Variants in PPP2R3A observed in about 807,000 individuals in gnomAD.
PPP2R3A encodes the protein protein phosphatase 2 regulatory subunit B''alpha, also known as serine/threonine-protein phosphatase 2A regulatory subunit B'' subunit alpha.
PPP2R3A carries 80 observed loss-of-function variants against 106.9 expected under a neutral mutation model. The ratio of observed to expected loss-of-function variants is 0.75; its 90% CI spans 0.62 to 0.90. The LOEUF (loss-of-function observed/expected upper bound fraction) is 0.90, where lower values mean the gene tolerates loss of function less well. PPP2R3A is among the 40% of genes least tolerant of loss of function. The pLI is 0.00. For synonymous variants in PPP2R3A, 483 were observed against 468.3 expected, an observed-to-expected ratio of 1.03 and a Z score of -0.41; for missense variants, 1,386 against 1,350.4, an observed-to-expected ratio of 1.03 and a Z score of -0.41.
At chr3:136,066,017 AGG>A (rs1288013058) in intron 5 of PPP2R3A, among the ~76,000 whole-genome samples, 1 of 152,234 alleles carries the variant, frequency 6.6e-6, no homozygotes, top group East Asian at 1.9e-4. Flanking sequence ...GCAGACACCT[AGG>A]AAAATAAATG....
At chr3:136,076,671 G>A (rs184345844) in intron 6 of PPP2R3A, among the ~76,000 whole-genome samples, 2 of 152,288 alleles carry the variant, frequency 1.3e-5, no homozygotes, top group Non-Finnish European at 2.9e-5. Context: ...CACCGTGGCT[G>A]GGCGCGGTGG....
intron 1 of PPP2R3A, among the ~76,000 whole-genome samples, chr3:135,966,143 G>A (rs191230986): frequency 6.6e-6 from 1 of 152,096 alleles, no homozygotes; most frequent in African/African-American, 2.4e-5. Flanking sequence ...CGCGGAGGAG[G>A]GTAGGCGGGG....
At chr3:135,986,328 C>T (rs757986315) in intron 1 of PPP2R3A, among the ~76,000 whole-genome samples, 3 of 152,118 alleles carry the variant, frequency 2.0e-5, no homozygotes, top group Non-Finnish European at 2.9e-5. Flanking sequence ...ACCATCATCT[C>T]TCCCTTGCAT....
chr3:136,044,935 C>T (rs1339736623), intron 4 of PPP2R3A, among the ~76,000 whole-genome samples: 1 of 152,180 alleles, frequency 6.6e-6, no homozygotes, highest in African/African-American at 2.4e-5. Context: ...CTGGCAGAGA[C>T]AGAGCTCGAG....
Position 136,078,425 on chromosome 3 carries a change from C to T in PPP2R3A, c.2603C>T (p.Thr868Ile). ...TCTTGGAGTGGAAAAATTACTTCGA[C>T]AGAGATAAGAAAAAGCAACTTTTTG... ...NRSWSGKITS[T>I]EIRKSNFLQT... The change falls in exon 7 of 14, where the codon ACA becomes ATA. Residue 868 changes from threonine to isoleucine, a missense_variant. Transcript: ENST00000264977. 1 of 1,610,148 alleles carries T rather than the reference C, an allele frequency of 6.2e-7. No homozygotes were observed. Among genetic ancestry groups the T allele is most frequent in the South Asian group, 1.1e-5 (1 of 90,660 alleles).
chr3:136,120,596 A>G (rs1253133061), intron 13 of PPP2R3A, among the ~76,000 whole-genome samples: 1 of 152,178 alleles, frequency 6.6e-6, no homozygotes, highest in Non-Finnish European at 1.5e-5. Context: ...CTCAAAAAAA[A>G]AAGTGCTTCT....
At chr3:136,073,822 C>T (rs1936515457) in intron 6 of PPP2R3A, among the ~76,000 whole-genome samples, 1 of 152,290 alleles carries the variant, frequency 6.6e-6, no homozygotes, top group Admixed American at 6.5e-5. Flanking sequence ...GAAACTGTTG[C>T]ATTATTTCAG....
At chr3:136,079,404 TA>T (rs1329312902) in intron 7 of PPP2R3A, 8 of 185,760 alleles carry the variant, frequency 4.3e-5, no homozygotes, top group South Asian at 9.2e-5. Context: ...TTATAATCCA[TA>T]ATTTTTTTTT....
At chr3:135,995,019 A>G (rs1404515410) in intron 1 of PPP2R3A, among the ~76,000 whole-genome samples, 2 of 152,164 alleles carry the variant, frequency 1.3e-5, no homozygotes, top group African/African-American at 4.8e-5. Context: ...AGTAATCGTA[A>G]TCTGCTTAAA....
chr3:136,074,598 TA>T (rs1012490344), intron 6 of PPP2R3A, among the ~76,000 whole-genome samples: 3 of 152,236 alleles, frequency 2.0e-5, no homozygotes, highest in Non-Finnish European at 2.9e-5. Context: ...CTTGAGTTTT[TA>T]AAATAAGCGA....
intron 13 of PPP2R3A, among the ~76,000 whole-genome samples, chr3:136,108,891 TGATA>T (rs1052891699): frequency 6.6e-6 from 1 of 152,176 alleles, no homozygotes; most frequent in Non-Finnish European, 1.5e-5. Context: ...ATAAAGATGC[TGATA>T]GATATTGTCA....
intron 2 of PPP2R3A, chr3:136,022,867 C>G (rs1296036278): frequency 1.3e-5 from 18 of 1,361,032 alleles, no homozygotes; most frequent in Non-Finnish European, 1.6e-5. Context: ...GAGCCACAGA[C>G]TGTATTTGGG....
intron 5 of PPP2R3A, among the ~76,000 whole-genome samples, chr3:136,051,050 A>C (rs971984186): frequency 1.3e-5 from 2 of 152,196 alleles, no homozygotes; most frequent in African/African-American, 4.8e-5. Context: ...AATCAGTTAC[A>C]TATCAGTATT....
chr3:136,123,833 A>T (rs2108004808), intron 13 of PPP2R3A, among the ~76,000 whole-genome samples: 1 of 152,324 alleles, frequency 6.6e-6, no homozygotes, highest in African/African-American at 2.4e-5. Flanking sequence ...TCATTCAGTA[A>T]TTGATAGAAC....
rs1491461536 is a variant in PPP2R3A, at chr3:136,087,243, G to GTCTC, written c.2789-639_2789-638insCTCT. ...TAAATGAAAGAACAGGTCTCTAGTCGTGTCTCTCTCTCTCTCTCTCTCTCT... is the reference window on the plus strand; with the variant it reads ...TAAATGAAAGAACAGGTCTCTAGTCGTCTCTGTCTCTCTCTCTCTCTCTCTCTCT... On this transcript the variant is annotated intron_variant, in intron 8 of 13. Transcript: ENST00000264977. Among the ~76,000 whole-genome samples, 347 of 74,974 alleles carry GTCTC rather than the reference G, an allele frequency of 4.6e-3. 2 individuals carry two copies. The highest frequency in any genetic ancestry group is 8.1e-3 in the Non-Finnish European group (279 of 34,440). The allele number at this position is 74,974 out of a possible 152,430, so 49.2% of individuals were successfully genotyped here.
rs978564058 is a variant in PPP2R3A, at chr3:136,097,196, GAAA to G, written c.2928-4800_2928-4798del. Among the ~76,000 whole-genome samples, 1,139 of 133,056 alleles carry G rather than the reference GAAA, an allele frequency of 8.6e-3. 18 individuals are homozygous for G. Among genetic ancestry groups the G allele is most frequent in the African/African-American group, 0.029 (1,074 of 36,630 alleles). 87.3% of individuals were successfully genotyped at this position (133,056 alleles called of 152,430 possible). On this transcript the variant is annotated intron_variant, in intron 10 of 13. Transcript: ENST00000264977. ...TGAGAAGATCAGTTACCTTTGGTAA[GAAA>G]AAAAAAAAAAGAATCTGCAATGAAA...
Position 136,145,107 on chromosome 3 carries a change from A to ATATT in PPP2R3A, c.3395_3398dup (p.Leu1133PhefsTer18), listed in dbSNP as rs768148540. 1 of 1,613,968 alleles carries ATATT rather than the reference A, an allele frequency of 6.2e-7. No homozygotes were observed. The highest frequency in any genetic ancestry group is 1.1e-5 in the South Asian group (1 of 91,054). On this transcript the variant is annotated frameshift_variant, in exon 14 of 14. Coordinates refer to ENST00000264977, the MANE Select transcript of PPP2R3A (RefSeq NM_002718.5). LOFTEE classifies it high-confidence loss of function. ...TGAATTTGGAAACAAAAGCAATAAA[A>ATATT]TATTAAGTGCAAGCCTTCCAGAGAA...
intron 13 of PPP2R3A, among the ~76,000 whole-genome samples, chr3:136,112,922 C>T (rs1937617723): frequency 6.6e-6 from 1 of 152,064 alleles, no homozygotes. Flanking sequence ...CACCTGAGGT[C>T]AGGAGTTCAA....
chr3:136,120,150 A>G (rs1210489334), intron 13 of PPP2R3A, among the ~76,000 whole-genome samples: 1 of 151,408 alleles, frequency 6.6e-6, no homozygotes, highest in Non-Finnish European at 1.5e-5. Context: ...GGTGGGGGCT[A>G]GGGGAGTGAT....
Sources: allele counts gnomAD v4.1 joint callset (sites outside exome capture counted in the v4.1 genomes callset), GRCh38; gene constraint gnomAD v4.1.1; transcripts MANE v1.5; gene names NCBI Gene and HGNC (gene_info 2026-07-23, HGNC 2026-07-21).